Variants in SLC7A11 observed in about 807,000 individuals in gnomAD.
The protein encoded by SLC7A11 is solute carrier family 7 member 11, also known as cystine/glutamate transporter.
SLC7A11 carries 35 observed loss-of-function variants against 54.5 expected under a neutral mutation model. That is an observed-to-expected ratio of 0.64 (90% CI 0.49 to 0.85). The LOEUF (loss-of-function observed/expected upper bound fraction) is 0.85, where lower values mean the gene tolerates loss of function less well. SLC7A11 is among the 40% of genes least tolerant of loss of function. SLC7A11 has a pLI of 0.00. For synonymous variants in SLC7A11, 230 were observed against 225.2 expected, an observed-to-expected ratio of 1.02 and a Z score of -0.19; for missense variants, 583 against 618.1, an observed-to-expected ratio of 0.94 and a Z score of 0.60.
At chr4:138,191,511 G>C (rs1737013046) in intron 6 of SLC7A11, among the ~76,000 whole-genome samples, 1 of 152,078 alleles carries the variant, frequency 6.6e-6, no homozygotes, top group African/African-American at 2.4e-5. Flanking sequence ...ATAAAGGAAG[G>C]AGAAAAGTGC....
At position 138,171,205 on chromosome 4, in the gene SLC7A11, TG is replaced by T. The variant is rs759060142; in HGVS notation, c.*750del. On this transcript the variant is annotated 3_prime_UTR_variant, in exon 12 of 12. Transcript: ENST00000280612. ...CTCTAAGATGTGTTATACACTTTCC[TG>T]ATCAAACTGATGTGAAAAAAAAAAA... The T allele has an allele frequency of 1.3e-4, 19 of 151,900 alleles. No individual in the cohort carries two copies. Among genetic ancestry groups the T allele is most frequent in the Non-Finnish European group, 1.9e-4 (13 of 67,996 alleles). The allele number at this position is 151,900 out of a possible 1,614,324, so 9.4% of individuals were successfully genotyped here.
chr4:138,237,793 C>G (rs968542964), intron 1 of SLC7A11, among the ~76,000 whole-genome samples: 18 of 119,880 alleles, frequency 1.5e-4, no homozygotes, highest in Non-Finnish European at 2.8e-4. Context: ...CTCTGTCCCC[C>G]CAGGCTGCAG....
chr4:138,223,296 A>G lies in SLC7A11; in HGVS notation c.549T>C (p.Ser183=), dbSNP rs752250942. ...TCTGGATCCGGGCGCTCCAGCTGAC[A>G]CTCATGCTATTTAGGACCATCACTA... ...ITVVMVLNSM[S]VSWSARIQIF... Residue 183 remains serine (S), a synonymous_variant, in exon 4 of 12, where the codon AGT becomes AGC. Coordinates refer to ENST00000280612, the MANE Select transcript of SLC7A11 (RefSeq NM_014331.4). 4.3e-6 allele frequency: 7 copies of G among 1,613,536 alleles called. No homozygotes were observed. Among genetic ancestry groups the G allele is most frequent in the Non-Finnish European group, 4.2e-6 (5 of 1,179,626 alleles).
At chr4:138,211,734 C>G (rs1355953585) in intron 6 of SLC7A11, among the ~76,000 whole-genome samples, 1 of 151,766 alleles carries the variant, frequency 6.6e-6, no homozygotes, top group African/African-American at 2.4e-5. Flanking sequence ...TTATTTGAAG[C>G]AACATAGATT....
At chr4:138,211,509 A>G (rs1737547965) in intron 6 of SLC7A11, among the ~76,000 whole-genome samples, 1 of 151,912 alleles carries the variant, frequency 6.6e-6, no homozygotes, top group Admixed American at 6.6e-5. Flanking sequence ...GAACTTCCAT[A>G]TGATCCAGCA....
rs10659044 is a variant in SLC7A11 at position 138,206,381 on chromosome 4, T to TTATATA, written c.791+8198_791+8203dup. The stretch of plus-strand genomic sequence containing the variant: ...CTCAAAATATAAAACTCAATGAGAT[T>TTATATA]TATATATATATATATATATAGCCTC... On this transcript the variant is annotated intron_variant, in intron 6 of 11. Coordinates refer to ENST00000280612, the MANE Select transcript of SLC7A11 (RefSeq NM_014331.4). 2.5e-3 allele frequency among the ~76,000 whole-genome samples: 359 copies of TTATATA among 145,244 alleles called. 1 individual carries two copies. Among genetic ancestry groups the TTATATA allele is most frequent in the South Asian group, 5.6e-3 (26 of 4,614 alleles).
At chr4:138,211,471 T>C (rs1394411364) in intron 6 of SLC7A11, among the ~76,000 whole-genome samples, 2 of 151,842 alleles carry the variant, frequency 1.3e-5, no homozygotes, top group Non-Finnish European at 1.5e-5. Context: ...TGGAGAACAA[T>C]ATGGAGGCTC....
At chr4:138,172,114 CA>C in intron 11 of SLC7A11, 97 bp from the exon 12 acceptor site, 1 of 1,224,166 alleles carries the variant, frequency 8.2e-7, no homozygotes, top group South Asian at 1.6e-5. Context: ...ACCAAAAACA[CA>C]CAACTGTCTA....
intron 4 of SLC7A11, among the ~76,000 whole-genome samples, chr4:138,222,538 T>G (rs1166036650): frequency 6.6e-6 from 1 of 152,232 alleles, no homozygotes; most frequent in Non-Finnish European, 1.5e-5. Context: ...TGTGCCTTCT[T>G]TCCTAAAACA....
intron 2 of SLC7A11, among the ~76,000 whole-genome samples, chr4:138,234,046 T>C (rs1738147422): frequency 1.3e-5 from 2 of 152,228 alleles, no homozygotes; most frequent in Non-Finnish European, 2.9e-5. Flanking sequence ...CTTATCACAA[T>C]AGCAATTTTA....
intron 11 of SLC7A11, among the ~76,000 whole-genome samples, chr4:138,173,136 C>T (rs762340563): frequency 1.3e-5 from 2 of 152,140 alleles, no homozygotes; most frequent in Admixed American, 6.6e-5. Flanking sequence ...AGCCACCATG[C>T]CCAGCCAGTT....
intron 4 of SLC7A11, among the ~76,000 whole-genome samples, chr4:138,219,896 G>C (rs1486007433): frequency 6.7e-6 from 1 of 150,354 alleles, no homozygotes; most frequent in Admixed American, 6.7e-5. Context: ...AGAGAAGTTG[G>C]AAAATCCTGA....
Position 138,236,463 on chromosome 4 carries a change from T to G in SLC7A11, c.278-12A>C. On this transcript the variant is annotated splice_polypyrimidine_tract_variant and intron_variant, in intron 1 of 11. Transcript: ENST00000280612. ...ATAAGACAAAGCTCCTGTGAAATAT[T>G]TGTCACAAAATGGTACCAATTTAAT... 1 of 1,599,918 alleles carries G rather than the reference T, an allele frequency of 6.3e-7. No homozygotes were observed. Among genetic ancestry groups the G allele is most frequent in the East Asian group, 2.2e-5 (1 of 44,640 alleles).
At chr4:138,237,594 C>T (rs1738243304) in intron 1 of SLC7A11, among the ~76,000 whole-genome samples, 4 of 147,042 alleles carry the variant, frequency 2.7e-5, no homozygotes, top group African/African-American at 1.0e-4. Flanking sequence ...GACAGGGTTT[C>T]ACCATGTTGG....
chr4:138,179,950 GACA>G (rs988031599), intron 10 of SLC7A11, among the ~76,000 whole-genome samples: 2 of 152,106 alleles, frequency 1.3e-5, no homozygotes, highest in African/African-American at 4.8e-5. Context: ...AACAAATCCT[GACA>G]ACATGACTGA....
chr4:138,197,620 C>T (rs2148424824), intron 6 of SLC7A11, among the ~76,000 whole-genome samples: 1 of 152,052 alleles, frequency 6.6e-6, no homozygotes, highest in Non-Finnish European at 1.5e-5. Flanking sequence ...TAATTTGAAA[C>T]ACCATGAGCT....
In SLC7A11 at chr4:138,181,585, A is replaced by C. The variant is rs184342600; in HGVS notation, c.1116+712T>G. Among the ~76,000 whole-genome samples, 6 of 150,920 alleles carry C rather than the reference A, an allele frequency of 4.0e-5. No homozygotes were observed. In the East Asian group the frequency reaches 1.2e-3, roughly 29 times the overall value. On this transcript the variant is annotated intron_variant, in intron 9 of 11. Coordinates refer to ENST00000280612, the MANE Select transcript of SLC7A11 (RefSeq NM_014331.4). ...CGTTCTGAAACAAATTAAATGCATG[A>C]AAAAAAAATGTTCAGTGCATTCTGT...
Position 138,228,790 on chromosome 4 carries a change from C to T in SLC7A11, c.520+3477G>A, listed in dbSNP as rs1278969325. On this transcript the variant is annotated intron_variant, in intron 3 of 11. Coordinates refer to ENST00000280612, the MANE Select transcript of SLC7A11 (RefSeq NM_014331.4). Reference sequence around the variant, plus strand: ...AAAAAAAAAAAAAAAAAAGAACAAACGAAAGTAATTAAATATTGAGCTATA... The same window carrying T: ...AAAAAAAAAAAAAAAAAAGAACAAATGAAAGTAATTAAATATTGAGCTATA... Among the ~76,000 whole-genome samples the T allele has an allele frequency of 2.9e-5, 4 of 137,352 alleles. No individual in the cohort carries two copies. In the South Asian group the frequency reaches 6.8e-4, roughly 23 times the overall value. 90.1% of individuals were successfully genotyped at this position (137,352 alleles called of 152,430 possible). A position where few individuals can be genotyped will look rare whatever the true frequency, so the allele number is the denominator to read the frequency against.
At chr4:138,194,571 C>G (rs1442316339) in intron 6 of SLC7A11, among the ~76,000 whole-genome samples, 2 of 152,134 alleles carry the variant, frequency 1.3e-5, no homozygotes, top group Non-Finnish European at 2.9e-5. Context: ...TTGCTTCCAT[C>G]ATTTCCCTCA....
Sources: gnomAD v4.1 joint callset for allele counts (sites outside exome capture counted in the v4.1 genomes callset) on GRCh38, gnomAD v4.1.1 for gene constraint, MANE v1.5 for transcripts, NCBI Gene and HGNC (gene_info 2026-07-23, HGNC 2026-07-21) for gene names.